The following CTNNA3 variants were observed in gnomAD, a reference collection of about 807,000 sequenced individuals.
CTNNA3 encodes the protein catenin alpha 3.
Under a neutral mutation model 95.7 loss-of-function variants are expected in CTNNA3, and 76 were observed. That is an observed-to-expected ratio of 0.79 (90% confidence interval 0.66 to 0.96). CTNNA3 has a LOEUF of 0.96. Among genes scored for constraint, CTNNA3 ranks in the 40% least tolerant of loss-of-function variants. CTNNA3 has a pLI of 0.00. For missense variants in CTNNA3, 1,191 were observed against 1,089.8 expected (o/e 1.09, Z -1.31); for synonymous variants, 431 against 374.4 (o/e 1.15, Z -1.74).
At chr10:67,294,165 G>C (rs1381665600) in intron 5 of CTNNA3, among the ~76,000 whole-genome samples, 2 of 152,080 alleles carry the variant, frequency 1.3e-5, no homozygotes, top group African/African-American at 4.8e-5. Context: ...CTCGCTTTTT[G>C]AGTGTTCGCA....
intron 5 of CTNNA3, among the ~76,000 whole-genome samples, chr10:67,266,353 G>C (rs1206577633): frequency 1.3e-5 from 2 of 151,940 alleles, no homozygotes; most frequent in Non-Finnish European, 2.9e-5. Context: ...TCCCCTCCAT[G>C]GCTGGCTATT....
chr10:66,961,626 A>G (rs542925080), intron 7 of CTNNA3, among the ~76,000 whole-genome samples: 1 of 152,224 alleles, frequency 6.6e-6, no homozygotes, highest in East Asian at 1.9e-4. Flanking sequence ...ACTGATATAG[A>G]CAAATCAAGA....
chr10:66,387,393 A>G (rs2092901771), intron 11 of CTNNA3, among the ~76,000 whole-genome samples: 1 of 152,188 alleles, frequency 6.6e-6, no homozygotes, highest in Non-Finnish European at 1.5e-5. Context: ...AATCACAATG[A>G]GATACCATCT....
intron 7 of CTNNA3, among the ~76,000 whole-genome samples, chr10:66,936,653 A>G (rs758409020): frequency 2.0e-5 from 3 of 152,254 alleles, no homozygotes; most frequent in Non-Finnish European, 4.4e-5. Context: ...ATTGAACTCT[A>G]CAGCGCAATC....
chr10:66,473,775 T>C (rs531333284), intron 11 of CTNNA3, among the ~76,000 whole-genome samples: 2 of 152,132 alleles, frequency 1.3e-5, no homozygotes, highest in Admixed American at 1.3e-4. Context: ...GTTTGGTTTT[T>C]TGTCCTTGTG....
At chr10:67,038,048 A>G (rs1034735606) in intron 7 of CTNNA3, among the ~76,000 whole-genome samples, 1 of 152,120 alleles carries the variant, frequency 6.6e-6, no homozygotes, top group African/African-American at 2.4e-5. Flanking sequence ...AATATTGTTG[A>G]CTGTGTCCAC....
chr10:67,374,864 A>T (rs1843630463), intron 5 of CTNNA3, among the ~76,000 whole-genome samples: 1 of 152,206 alleles, frequency 6.6e-6, no homozygotes, highest in African/African-American at 2.4e-5. Flanking sequence ...AAAATTCTAC[A>T]TTATAGAACA....
intron 5 of CTNNA3, among the ~76,000 whole-genome samples, chr10:67,322,333 G>C (rs1841355451): frequency 6.6e-6 from 1 of 152,060 alleles, no homozygotes; most frequent in African/African-American, 2.4e-5. Flanking sequence ...CAGGTATTAA[G>C]TTCAGTACCC....
intron 5 of CTNNA3, among the ~76,000 whole-genome samples, chr10:67,328,774 G>A (rs1034453687): frequency 6.6e-6 from 1 of 152,096 alleles, no homozygotes; most frequent in Admixed American, 6.5e-5. Context: ...TCAGTCATCT[G>A]AGTCCCTTCA....
chr10:67,495,112 G>T (rs922987806), intron 5 of CTNNA3, among the ~76,000 whole-genome samples: 1 of 152,066 alleles, frequency 6.6e-6, no homozygotes, highest in African/African-American at 2.4e-5. Context: ...CTCCCACCTG[G>T]CTATGGCAGA....
At chr10:65,928,241 A>G (rs1309235045) in intron 17 of CTNNA3, among the ~76,000 whole-genome samples, 2 of 152,130 alleles carry the variant, frequency 1.3e-5, no homozygotes, top group Non-Finnish European at 2.9e-5. Context: ...CATTTAGTCA[A>G]AATGATTTTC....
chr10:67,379,741 G>A (rs1843847575), intron 5 of CTNNA3, among the ~76,000 whole-genome samples: 1 of 152,182 alleles, frequency 6.6e-6, no homozygotes, highest in African/African-American at 2.4e-5. Context: ...GTCTGGAGAG[G>A]CCGGGCGCGG....
chr10:67,390,231 C>T (rs376061131), intron 5 of CTNNA3, among the ~76,000 whole-genome samples: 10,376 of 152,036 alleles, frequency 0.068, 489 homozygotes, highest in African/African-American at 0.13. Context: ...ATATCACCAC[C>T]GATCCCACAG....
intron 9 of CTNNA3, among the ~76,000 whole-genome samples, chr10:66,645,619 G>C (rs552071009): frequency 6.6e-6 from 1 of 152,156 alleles, no homozygotes; most frequent in South Asian, 2.1e-4. Flanking sequence ...CAGCAACCAA[G>C]CCACACAGCA....
chr10:67,678,305 G>C (rs1840569282), intron 1 of CTNNA3, among the ~76,000 whole-genome samples: 1 of 152,078 alleles, frequency 6.6e-6, no homozygotes, highest in Admixed American at 6.6e-5. Flanking sequence ...AGAAAAGAAA[G>C]TTGACTGAAG....
At chr10:67,647,752 A>G (rs1030589066) in intron 1 of CTNNA3, among the ~76,000 whole-genome samples, 6 of 152,170 alleles carry the variant, frequency 3.9e-5, no homozygotes, top group African/African-American at 1.4e-4. Flanking sequence ...TAATCTACAC[A>G]AGTATGTTCA....
rs564963325 is a variant in CTNNA3 at position 67,356,545 on chromosome 10, C to T, written c.580-136675G>A. 2.0e-4 allele frequency among the ~76,000 whole-genome samples: 31 copies of T among 152,202 alleles called. 1 individual carries two copies. In the South Asian group the frequency reaches 6.4e-3, roughly 31 times the overall value. On this transcript the variant is annotated intron_variant, in intron 5 of 17. Coordinates refer to ENST00000433211, the MANE Select transcript of CTNNA3 (RefSeq NM_013266.4). Reference sequence around the variant, plus strand: ...AAATTGTAAACTTCAATGAGCTTGTCCTCAGCCATTTCATGGTGATCTGGA... The same window carrying T: ...AAATTGTAAACTTCAATGAGCTTGTTCTCAGCCATTTCATGGTGATCTGGA...
chr10:66,195,733 CA>C (rs113291476), intron 13 of CTNNA3, among the ~76,000 whole-genome samples: 31,023 of 152,082 alleles, frequency 0.2, 3,495 homozygotes, highest in Non-Finnish European at 0.25. Flanking sequence ...ATTAATGGAG[CA>C]TTATCAATAT....
chr10:67,493,291 G>A (rs1310272671), intron 5 of CTNNA3, among the ~76,000 whole-genome samples: 3 of 152,104 alleles, frequency 2.0e-5, no homozygotes, highest in South Asian at 2.1e-4. Context: ...GGCCGGACAC[G>A]GCGGCTCACC....
Sources: gnomAD v4.1 joint callset for allele counts (sites outside exome capture counted in the v4.1 genomes callset) on GRCh38, gnomAD v4.1.1 for gene constraint, MANE v1.5 for transcripts, NCBI Gene and HGNC (gene_info 2026-07-23, HGNC 2026-07-21) for gene names.